ARHGAP22: variants seen among roughly 807,000 people sequenced by gnomAD.
ARHGAP22 encodes the protein Rho GTPase activating protein 22.
A neutral mutation model predicts 59.1 loss-of-function variants in ARHGAP22; 48 were observed. The ratio of observed to expected loss-of-function variants is 0.81; its 90% CI spans 0.64 to 1.03. The LOEUF (loss-of-function observed/expected upper bound fraction) is 1.03. ARHGAP22 is among the 50% of genes least tolerant of loss of function. The pLI, the probability that ARHGAP22 is intolerant of heterozygous loss-of-function variation, is 0.00. For synonymous variants in ARHGAP22, 445 were observed against 416.4 expected (o/e 1.07, Z -0.84); for missense variants, 1,015 against 958.7 (o/e 1.06, Z -0.78).
At chr10:48,605,103 G>A, upstream of ARHGAP22, 1 of 1,275,902 alleles carries the variant, frequency 7.8e-7, no homozygotes, top group South Asian at 2.0e-5. Context: ...CCTCCGCCTG[G>A]CCTGGGCGCA....
intron 1 of ARHGAP22, among the ~76,000 whole-genome samples, chr10:48,598,689 C>T (rs771354598): frequency 5.6e-4 from 86 of 152,242 alleles, no homozygotes; most frequent in Non-Finnish European, 1.1e-3. Context: ...AGGCACGCCA[C>T]TCCATTGTCT....
At chr10:48,610,964 A>G (rs917755819) in intron 1 of ARHGAP22, among the ~76,000 whole-genome samples, 2 of 152,220 alleles carry the variant, frequency 1.3e-5, no homozygotes, top group African/African-American at 4.8e-5. Flanking sequence ...TTCCATGCCT[A>G]CCACACTTGG....
intron 1 of ARHGAP22, among the ~76,000 whole-genome samples, chr10:48,601,117 G>A (rs774157561): frequency 4.6e-5 from 7 of 152,208 alleles, no homozygotes; most frequent in African/African-American, 1.4e-4. Context: ...AGCCATGAAG[G>A]TGGTGAGAGT....
chr10:48,577,178 A>G (rs903779505), intron 2 of ARHGAP22, among the ~76,000 whole-genome samples: 3 of 151,916 alleles, frequency 2.0e-5, no homozygotes, highest in African/African-American at 4.8e-5. Flanking sequence ...TATTCATGAT[A>G]TCTTATTTCT....
chr10:48,561,254 G>A (rs2057670004), intron 2 of ARHGAP22, among the ~76,000 whole-genome samples: 1 of 152,080 alleles, frequency 6.6e-6, no homozygotes, highest in Non-Finnish European at 1.5e-5. Context: ...GCAATTCATT[G>A]GAGAAGATAT....
chr10:48,541,696 A>C (rs2135123406), intron 3 of ARHGAP22, among the ~76,000 whole-genome samples: 1 of 152,228 alleles, frequency 6.6e-6, no homozygotes, highest in South Asian at 2.1e-4. Context: ...AGTATAGACC[A>C]TGTTATGCAC....
intron 3 of ARHGAP22, among the ~76,000 whole-genome samples, chr10:48,489,916 G>A (rs2050213234): frequency 6.6e-6 from 1 of 152,022 alleles, no homozygotes; most frequent in Non-Finnish European, 1.5e-5. Flanking sequence ...TGTATTTTTA[G>A]TAGAGATGGG....
intron 5 of ARHGAP22, among the ~76,000 whole-genome samples, chr10:48,455,962 C>A (rs905726264): frequency 1.3e-5 from 2 of 152,206 alleles, no homozygotes; most frequent in African/African-American, 4.8e-5. Flanking sequence ...CTCAGTCTCC[C>A]GCTCTGGCTC....
At chr10:48,590,955 G>A (rs192045186) in intron 1 of ARHGAP22, among the ~76,000 whole-genome samples, 98 of 152,318 alleles carry the variant, frequency 6.4e-4, no homozygotes, top group Middle Eastern at 3.4e-3. Flanking sequence ...ATTTCTCAGC[G>A]CAACCCTGAT....
At chr10:48,520,239 A>G (rs1450934530) in intron 3 of ARHGAP22, among the ~76,000 whole-genome samples, 1 of 152,192 alleles carries the variant, frequency 6.6e-6, no homozygotes, top group Non-Finnish European at 1.5e-5. Flanking sequence ...AGAGGCAATC[A>G]CAGTCATCAG....
intron 1 of ARHGAP22, among the ~76,000 whole-genome samples, chr10:48,642,804 C>A (rs1165152096): frequency 1.3e-5 from 2 of 152,250 alleles, no homozygotes; most frequent in African/African-American, 2.4e-5. Context: ...AACAGGCAAC[C>A]TACAGAATGG....
chr10:48,630,164 T>C (rs1169605446), intron 1 of ARHGAP22, among the ~76,000 whole-genome samples: 1 of 152,200 alleles, frequency 6.6e-6, no homozygotes, highest in African/African-American at 2.4e-5. Context: ...CTATCTCAGC[T>C]CACTGCAACC....
intron 3 of ARHGAP22, among the ~76,000 whole-genome samples, chr10:48,483,187 G>A (rs1034573817): frequency 1.3e-5 from 2 of 152,000 alleles, no homozygotes; most frequent in Admixed American, 6.6e-5. Context: ...TGATGGACAC[G>A]TAGGTTGATT....
chr10:48,637,739 G>C (rs1371685170), intron 1 of ARHGAP22, among the ~76,000 whole-genome samples: 1 of 152,048 alleles, frequency 6.6e-6, no homozygotes, highest in African/African-American at 2.4e-5. Context: ...CAGTGAGACG[G>C]GATGAAAAGA....
intron 1 of ARHGAP22, among the ~76,000 whole-genome samples, chr10:48,635,139 C>G (rs181088927): frequency 6.6e-6 from 1 of 152,104 alleles, no homozygotes; most frequent in African/African-American, 2.4e-5. Context: ...CCATGGGAGG[C>G]TCTTGGAGGC....
chr10:48,586,042 C>A (rs943753882), intron 1 of ARHGAP22, among the ~76,000 whole-genome samples: 1 of 152,074 alleles, frequency 6.6e-6, no homozygotes, highest in African/African-American at 2.4e-5. Context: ...TTTTTCCCTC[C>A]TCTCTGTGGG....
intron 3 of ARHGAP22, among the ~76,000 whole-genome samples, chr10:48,486,364 G>T (rs1184204551): frequency 6.6e-6 from 1 of 151,406 alleles, no homozygotes; most frequent in Non-Finnish European, 1.5e-5. Context: ...TTGAGACAGG[G>T]TCTTGCTCTG....
upstream of ARHGAP22, among the ~76,000 whole-genome samples, chr10:48,607,267 G>C (rs995201538): frequency 6.6e-6 from 1 of 152,186 alleles, no homozygotes; most frequent in Non-Finnish European, 1.5e-5. Flanking sequence ...ATGATATTAA[G>C]TCACTGTGTT....
At chr10:48,569,279 G>A (rs2058253139) in intron 2 of ARHGAP22, among the ~76,000 whole-genome samples, 1 of 152,184 alleles carries the variant, frequency 6.6e-6, no homozygotes, top group African/African-American at 2.4e-5. Flanking sequence ...TGCTGCCAAG[G>A]GGCACTGGCT....
Sources: allele counts gnomAD v4.1 joint callset (sites outside exome capture counted in the v4.1 genomes callset), GRCh38; gene constraint gnomAD v4.1.1; transcripts MANE v1.5; gene names NCBI Gene and HGNC (gene_info 2026-07-23, HGNC 2026-07-21).